The following GCM2 variants were observed in gnomAD, a reference collection of about 807,000 sequenced individuals.
The protein encoded by GCM2 is GCM transcription factor 2.
Under a neutral mutation model 24.8 loss-of-function variants are expected in GCM2, and 21 were observed. The observed-to-expected ratio is 0.85, with a 90% CI of 0.60 to 1.22. The LOEUF (loss-of-function observed/expected upper bound fraction) is 1.22. Ranked by LOEUF, GCM2 falls within the 50% of genes most tolerant of loss-of-function variation. GCM2 has a pLI of 0.00. For synonymous variants in GCM2, 222 were observed against 238.0 expected (o/e 0.93, Z 0.62); for missense variants, 532 against 645.6 (o/e 0.82, Z 1.91).
Position 10,877,219 on chromosome 6 carries a change from T to G in GCM2, c.264A>C (p.Thr88=). The part of the protein sequence containing the change: ...KKSCLGVVVC[T]QACTLPDGSR... ...AACCGTCGGGCAGGGTGCAGGCCTGTGTACACACCACCACACCCAGGCACG... is the reference window on the plus strand; with the variant it reads ...AACCGTCGGGCAGGGTGCAGGCCTGGGTACACACCACCACACCCAGGCACG... Residue 88 remains threonine, a synonymous_variant, in exon 2 of 5, where the codon ACA becomes ACC. Transcript: ENST00000379491. The G allele has an allele frequency of 6.2e-7, 1 of 1,614,182 alleles. No individual in the cohort carries two copies. The highest frequency in any genetic ancestry group is 8.5e-7 in the Non-Finnish European group (1 of 1,180,046).
chr6:10,876,304 C>T, intron 3 of GCM2, 141 bp downstream of exon 3: 1 of 730,046 alleles, frequency 1.4e-6, no homozygotes, highest in Non-Finnish European at 2.5e-6. Context: ...CGCTAGGTCC[C>T]TGGGGAGCTC....
intron 1 of GCM2, among the ~76,000 whole-genome samples, chr6:10,878,793 A>G (rs1005163840): frequency 6.6e-6 from 1 of 152,234 alleles, no homozygotes; most frequent in Non-Finnish European, 1.5e-5. Flanking sequence ...AAGGAAGTGG[A>G]GGTTCAATAG....
At chr6:10,879,761 C>G (rs972484939) in intron 1 of GCM2, among the ~76,000 whole-genome samples, 2 of 152,162 alleles carry the variant, frequency 1.3e-5, no homozygotes, top group African/African-American at 4.8e-5. Flanking sequence ...AAAAAAAGTT[C>G]ATATTGACAT....
chr6:10,878,524 G>A (rs1006614188), intron 1 of GCM2, among the ~76,000 whole-genome samples: 12 of 151,962 alleles, frequency 7.9e-5, no homozygotes, highest in Admixed American at 4.6e-4. Flanking sequence ...TCACCATGTT[G>A]GCCAGGATGG....
rs1263472955 is a variant in GCM2, at chr6:10,874,449, G to A, written c.1067C>T (p.Thr356Ile). Residue 356 changes from threonine (T) to isoleucine (I), a missense_variant, in exon 5 of 5, where the codon ACT (threonine) becomes ATT (isoleucine). By Grantham distance (89) the Thr-to-Ile change is moderately conservative (BLOSUM62 -1). This residue lies in a region of GCM2 where 434 missense variants were observed against 521.9 expected (regional missense o/e 0.83). Transcript: ENST00000379491. ...TNHGQFQAMA[T>I]RPYYNPELPC... is the part of the protein sequence containing the mutation. ...AAGCTCTGGGTTATAATAAGGGCGA[G>A]TGGCCATGGCCTGAAACTGCCCATG... 1.2e-6 allele frequency: 2 copies of A among 1,614,108 alleles called. No individual in the cohort carries two copies. Among genetic ancestry groups the A allele is most frequent in the African/African-American group, 2.7e-5 (2 of 74,940 alleles).
intron 4 of GCM2, among the ~76,000 whole-genome samples, 153 bp from the exon 5 acceptor site, chr6:10,875,086 G>A (rs1444477209): frequency 6.6e-6 from 1 of 152,202 alleles, no homozygotes; most frequent in African/African-American, 2.4e-5. Flanking sequence ...ATGTAAGCAC[G>A]TGGTCCAGGG....
rs2113257168 is a variant in GCM2, at chr6:10,881,776, C to A, written c.18G>T (p.Val6=). The change falls in exon 1 of 5, where the codon GTG becomes GTT. Residue 6 remains valine, a synonymous_variant. Coordinates refer to ENST00000379491, the MANE Select transcript of GCM2 (RefSeq NM_004752.4). The part of the protein sequence containing the change: MPAAA[V]QEAVGVCSYG... ...AGGAGCACACGCCGACCGCTTCCTG[C>A]ACCGCGGCCGCCGGCATCTGCCCAA... The A allele has an allele frequency of 6.2e-7, 1 of 1,608,886 alleles. No homozygotes were observed. The highest frequency in any genetic ancestry group is 1.3e-5 in the African/African-American group (1 of 75,054).
Position 10,874,039 on chromosome 6 carries a change from C to G in GCM2, c.1477G>C (p.Asp493His), listed in dbSNP as rs764011432. Residue 493 changes from aspartate to histidine, a missense_variant, in exon 5 of 5, where the codon GAC (aspartate) becomes CAC (histidine). Asp to His is a moderately conservative substitution (Grantham distance 81). Coordinates refer to ENST00000379491, the MANE Select transcript of GCM2 (RefSeq NM_004752.4). Reference sequence around the variant, plus strand: ...TAGGTAAAGAAGGGACCCACTCTGTCTGAGTAACTGACTGCGGAGCCCAGC... The same window carrying G: ...TAGGTAAAGAAGGGACCCACTCTGTGTGAGTAACTGACTGCGGAGCCCAGC... The part of the protein sequence containing the change: ...SGLGSAVSYS[D>H]RVGPFFTYNN... 2 of 1,614,226 alleles carry G rather than the reference C, an allele frequency of 1.2e-6. No homozygotes were observed. The highest frequency in any genetic ancestry group is 3.3e-5 in the Admixed American group (2 of 60,024).
chr6:10,876,552 C>A lies in GCM2; in HGVS notation c.349G>T (p.Ala117Ser). 1 of 1,602,386 alleles carries A rather than the reference C, an allele frequency of 6.2e-7. No homozygotes were observed. Among genetic ancestry groups the A allele is most frequent in the South Asian group, 1.1e-5 (1 of 90,804 alleles). Reference sequence around the variant, plus strand: ...AAAGCAGAATGACAGTTAGGGCATGCCTTCTCTGCAAAGCCCAGAAGGGAG... The same window carrying A: ...AAAGCAGAATGACAGTTAGGGCATGACTTCTCTGCAAAGCCCAGAAGGGAG... ...DKARLKQQKK[A>S]CPNCHSALEL... Residue 117 changes from alanine (A) to serine (S), a missense_variant, in exon 3 of 5, where the codon GCA becomes TCA. By Grantham distance (99) the Ala-to-Ser change is moderately conservative. Transcript: ENST00000379491.
rs1779961909 is a variant in GCM2, at chr6:10,881,722, G to A, written c.72C>T (p.Asn24=). The A allele has an allele frequency of 1.9e-6, 3 of 1,611,626 alleles. No homozygotes were observed. Among genetic ancestry groups the A allele is most frequent in the South Asian group, 1.1e-5 (1 of 91,076 alleles). Residue 24 remains asparagine (N), a synonymous_variant, in exon 1 of 5, where the codon AAC becomes AAT. Coordinates refer to ENST00000379491, the MANE Select transcript of GCM2 (RefSeq NM_004752.4). The part of the protein sequence containing the change: ...SYGMQLSWDI[N]DPQMPQELAL... ...CACTTACCTGAGGCATCTGCGGATC[G>A]TTGATGTCCCAGCTGAGCTGCATCC...
Position 10,874,724 on chromosome 6 carries a change from T to A in GCM2, c.792A>T (p.Pro264=). The A allele has an allele frequency of 6.2e-7, 1 of 1,614,156 alleles. No individual in the cohort carries two copies. The highest frequency in any genetic ancestry group is 8.5e-7 in the Non-Finnish European group (1 of 1,180,006). The stretch of plus-strand genomic sequence containing the variant: ...AAGGTGGCCTAGGCAAATAGATTCT[T>A]GGGCTTGAGTATTTCTGGAAGGGTG... ...KMPPFQKYSS[P]RIYLPRPPCS... Residue 264 remains proline (P), a synonymous_variant, in exon 5 of 5, where the codon CCA becomes CCT. Transcript: ENST00000379491.
At chr6:10,876,667 C>A in intron 2 of GCM2, 110 bp from the exon 3 acceptor site, 1 of 769,728 alleles carries the variant, frequency 1.3e-6, no homozygotes, top group Non-Finnish European at 2.3e-6. Flanking sequence ...CGGTGGCTCA[C>A]GCCTGTAATC....
rs759135383 is a variant in GCM2, at chr6:10,881,926, GAGAA to G, written c.-137_-134del. 36 of 720,734 alleles carry G rather than the reference GAGAA, an allele frequency of 5.0e-5. No individual in the cohort carries two copies. Among genetic ancestry groups the G allele is most frequent in the Non-Finnish European group, 7.6e-5 (31 of 407,470 alleles). The allele number at this position is 720,734 out of a possible 1,614,324, so 44.6% of individuals were successfully genotyped here. Reference sequence around the variant, plus strand: ...TGTGTGAAGGGGAGGTGCAGAGAGAGAGAAAGAGAGAGAGGCTGTTTAGATATCT... The same window carrying G: ...TGTGTGAAGGGGAGGTGCAGAGAGAGAGAGAGAGAGGCTGTTTAGATATCT... On this transcript the variant is annotated 5_prime_UTR_variant, in exon 1 of 5. Transcript: ENST00000379491.
At position 10,882,035 on chromosome 6, in the gene GCM2, C is replaced by T. The variant is rs1779967347; in HGVS notation, c.-242G>A. 5.5e-6 allele frequency: 3 copies of T among 541,898 alleles called. No homozygotes were observed. The South Asian group carries it at 6.1e-5, about 11-fold the overall frequency. The allele number at this position is 541,898 out of a possible 1,614,324, so 33.6% of individuals were successfully genotyped here. ...TGCTGAACGTTCTCCACCCGAACGG[C>T]AGCATCGACCTCTGGCAGCTGCCCC... is the stretch of plus-strand genomic sequence containing the variant. On this transcript the variant is annotated 5_prime_UTR_variant, in exon 1 of 5. Coordinates refer to ENST00000379491, the MANE Select transcript of GCM2 (RefSeq NM_004752.4).
intron 4 of GCM2, among the ~76,000 whole-genome samples, chr6:10,875,233 G>A (rs1327215867): frequency 2.6e-5 from 4 of 152,154 alleles, no homozygotes; most frequent in Non-Finnish European, 2.9e-5. Flanking sequence ...TGGAGACTTA[G>A]GAGCCACACG....
intron 2 of GCM2, 61 bp from the exon 3 acceptor site, chr6:10,876,618 G>C (rs938872269): frequency 1.7e-6 from 2 of 1,156,084 alleles, no homozygotes; most frequent in African/African-American, 3.0e-5. Flanking sequence ...AAGGAAGAAG[G>C]GGAAAATTAG....
intron 4 of GCM2, among the ~76,000 whole-genome samples, chr6:10,875,673 A>G (rs1283990122): frequency 1.3e-5 from 2 of 152,224 alleles, no homozygotes; most frequent in Non-Finnish European, 2.9e-5. Flanking sequence ...TCAGGACTGT[A>G]TCATTGCCTG....
At chr6:10,879,085 G>A (rs1225781656) in intron 1 of GCM2, among the ~76,000 whole-genome samples, 1 of 152,112 alleles carries the variant, frequency 6.6e-6, no homozygotes, top group African/African-American at 2.4e-5. Flanking sequence ...CAAAGATATT[G>A]TTGAAATCAT....
At position 10,873,959 on chromosome 6, in the gene GCM2, G is replaced by A; in HGVS notation, c.*36C>T. On this transcript the variant is annotated 3_prime_UTR_variant, in exon 5 of 5. Transcript: ENST00000379491. ...TTTCACATTTCCCTGCCTCCTGCCTGCATGCACACTGCTATTATGTCCCCT... is the reference window on the plus strand; with the variant it reads ...TTTCACATTTCCCTGCCTCCTGCCTACATGCACACTGCTATTATGTCCCCT... The A allele has an allele frequency of 6.8e-7, 1 of 1,475,434 alleles. No individual in the cohort carries two copies. The highest frequency in any genetic ancestry group is 9.5e-7 in the Non-Finnish European group (1 of 1,053,920). 91.4% of individuals were successfully genotyped at this position (1,475,434 alleles called of 1,614,324 possible).
Sources: gnomAD v4.1 joint callset for allele counts (sites outside exome capture counted in the v4.1 genomes callset) on GRCh38, gnomAD v4.1.1 for gene constraint, gnomAD v4.1.1 regional missense constraint, MANE v1.5 for transcripts, NCBI Gene and HGNC (gene_info 2026-07-23, HGNC 2026-07-21) for gene names.